WDPCP: variants seen among roughly 807,000 people sequenced by gnomAD.
The protein encoded by WDPCP is WD repeat containing planar cell polarity effector, also known as WD repeat-containing and planar cell polarity effector protein fritz homolog.
A neutral mutation model predicts 93.1 loss-of-function variants in WDPCP; 71 were observed. The ratio of observed to expected loss-of-function variants is 0.76; its 90% CI spans 0.63 to 0.93. The LOEUF is 0.93. WDPCP is among the 40% of genes least tolerant of loss of function. The pLI is 0.00. For missense variants in WDPCP, 844 were observed against 887.4 expected (o/e 0.95, Z 0.62); for synonymous variants, 315 against 315.0 (o/e 1.00, Z 0.00).
At chr2:63,232,985 T>C in intron 14 of WDPCP, 1 of 164,926 alleles carries the variant, frequency 6.1e-6, no homozygotes, top group South Asian at 1.6e-4. Context: ...TGGAAACTGA[T>C]CTGACTTTAA....
chr2:63,598,501 A>G (rs996970358), intron 3 of WDPCP, among the ~76,000 whole-genome samples: 4 of 152,214 alleles, frequency 2.6e-5, no homozygotes, highest in Admixed American at 6.5e-5. Context: ...CTTGCCGGTT[A>G]AAGGTTTAAC....
rs750796197 is a variant in WDPCP at position 63,414,496 on chromosome 2, C to CACACAT, written c.826-9840_826-9839insATGTGT. 2.2e-3 allele frequency among the ~76,000 whole-genome samples: 328 copies of CACACAT among 149,728 alleles called. 1 individual carries two copies. Among genetic ancestry groups the CACACAT allele is most frequent in the Non-Finnish European group, 3.8e-3 (255 of 67,530 alleles). ...ATACACACACACACACACACACACA[C>CACACAT]ATATATATACACACACACATATATA... is the stretch of plus-strand genomic sequence containing the variant. On this transcript the variant is annotated intron_variant, in intron 9 of 17. Coordinates refer to ENST00000272321, the MANE Select transcript of WDPCP (RefSeq NM_015910.7).
intron 1 of WDPCP, among the ~76,000 whole-genome samples, chr2:63,556,386 AAG>A (rs1320262137): frequency 1.3e-5 from 2 of 152,216 alleles, no homozygotes; most frequent in African/African-American, 4.8e-5. Flanking sequence ...GGGTACCTGA[AAG>A]AGATAAGGAG....
intron 2 of WDPCP, among the ~76,000 whole-genome samples, chr2:63,756,019 T>C (rs554804403): frequency 6.6e-6 from 1 of 152,352 alleles, no homozygotes; most frequent in East Asian, 1.9e-4. Flanking sequence ...ATTTTTTAAT[T>C]AGTTTTGCTT....
At chr2:63,767,259 T>C (rs1670155407) in intron 2 of WDPCP, among the ~76,000 whole-genome samples, 1 of 152,210 alleles carries the variant, frequency 6.6e-6, no homozygotes, top group African/African-American at 2.4e-5. Context: ...CATGGACATT[T>C]GGGTTGTTTC....
At chr2:63,766,634 A>G (rs377083673) in intron 2 of WDPCP, among the ~76,000 whole-genome samples, 1 of 152,172 alleles carries the variant, frequency 6.6e-6, no homozygotes, top group East Asian at 1.9e-4. Flanking sequence ...GCATATGTTT[A>G]AAGTCTCACT....
intron 9 of WDPCP, among the ~76,000 whole-genome samples, chr2:63,425,731 G>C (rs935849375): frequency 6.6e-6 from 1 of 152,148 alleles, no homozygotes; most frequent in Non-Finnish European, 1.5e-5. Context: ...ATTATGTAAA[G>C]AAATCAAACC....
chr2:63,410,796 A>G (rs1032642284), intron 9 of WDPCP, among the ~76,000 whole-genome samples: 4 of 152,220 alleles, frequency 2.6e-5, no homozygotes, highest in African/African-American at 9.6e-5. Flanking sequence ...AGAGACAAAG[A>G]GGGACACTAT....
rs915161992 is a variant in WDPCP, at chr2:63,629,220, G to GA, written n.488+21438dup. 4.1e-4 allele frequency among the ~76,000 whole-genome samples: 63 copies of GA among 152,196 alleles called. No individual in the cohort carries two copies. The Middle Eastern group carries it at 0.017, about 41-fold the overall frequency. ...CAGGAAAGGGGGCAGCTTTGCAACA[G>GA]AAAAAACTTCTAGGCAATAATTGCT... is the stretch of plus-strand genomic sequence containing the variant. On this transcript the variant is annotated intron_variant and non_coding_transcript_variant, in intron 3 of 4. Coordinates refer to the WDPCP transcript ENST00000467687.
chr2:63,491,561 C>A (rs1000100797), intron 2 of WDPCP, among the ~76,000 whole-genome samples: 1 of 152,176 alleles, frequency 6.6e-6, no homozygotes, highest in East Asian at 1.9e-4. Flanking sequence ...ATTCTCAGAA[C>A]CAAGTGGGAT....
intron 14 of WDPCP, among the ~76,000 whole-genome samples, chr2:63,223,020 C>T (rs894282644): frequency 6.6e-6 from 1 of 151,892 alleles, no homozygotes; most frequent in African/African-American, 2.4e-5. Flanking sequence ...CCTAACAAAC[C>T]AATTATCTAT....
At chr2:63,770,852 TAA>T (rs918126928) in intron 2 of WDPCP, among the ~76,000 whole-genome samples, 1 of 151,942 alleles carries the variant, frequency 6.6e-6, no homozygotes, top group Non-Finnish European at 1.5e-5. Flanking sequence ...AGCCTGACAT[TAA>T]AAGAGATTTA....
At chr2:63,259,493 TC>T in intron 13 of WDPCP, 84 bp from the exon 14 acceptor site, 1 of 1,066,274 alleles carries the variant, frequency 9.4e-7, no homozygotes, top group Non-Finnish European at 1.4e-6. Flanking sequence ...AAACTTATTG[TC>T]CAGATTACAA....
intron 13 of WDPCP, among the ~76,000 whole-genome samples, chr2:63,268,493 A>G (rs1682350364): frequency 6.6e-6 from 1 of 152,070 alleles, no homozygotes; most frequent in African/African-American, 2.4e-5. Flanking sequence ...GTAAAACAGG[A>G]TCTCACTCTG....
intron 3 of WDPCP, among the ~76,000 whole-genome samples, chr2:63,600,553 T>A (rs1000523680): frequency 9.8e-5 from 15 of 152,344 alleles, no homozygotes; most frequent in African/African-American, 3.6e-4. Flanking sequence ...TTATGAGGAT[T>A]AAATAAGATC....
At chr2:63,537,743 T>C (rs958070090) in intron 1 of WDPCP, among the ~76,000 whole-genome samples, 8 of 152,180 alleles carry the variant, frequency 5.3e-5, no homozygotes, top group African/African-American at 1.9e-4. Context: ...CCACTAGGAT[T>C]CAGTTAGATG....
chr2:63,520,396 G>A (rs1017942473), intron 1 of WDPCP, among the ~76,000 whole-genome samples: 21 of 152,188 alleles, frequency 1.4e-4, no homozygotes, highest in Admixed American at 3.9e-4. Flanking sequence ...AACTCCTGCA[G>A]AATACTACCC....
At chr2:63,721,180 G>A (rs1041086924) in intron 2 of WDPCP, among the ~76,000 whole-genome samples, 1 of 152,234 alleles carries the variant, frequency 6.6e-6, no homozygotes, top group African/African-American at 2.4e-5. Context: ...CTGCATAAAT[G>A]GGGCTGTCAT....
intron 1 of WDPCP, among the ~76,000 whole-genome samples, chr2:63,509,598 A>G (rs1022165995): frequency 2.6e-5 from 4 of 152,198 alleles, no homozygotes; most frequent in Non-Finnish European, 5.9e-5. Flanking sequence ...ATTGAAGGAG[A>G]TAGAGACACA....
Sources: allele counts gnomAD v4.1 joint callset (sites outside exome capture counted in the v4.1 genomes callset), GRCh38; gene constraint gnomAD v4.1.1; transcripts MANE v1.5; gene names NCBI Gene and HGNC (gene_info 2026-07-23, HGNC 2026-07-21).